FSTL4: variants seen among roughly 807,000 people sequenced by gnomAD.
The protein encoded by FSTL4 is follistatin like 4, also known as follistatin-related protein 4.
Under a neutral mutation model 78.2 loss-of-function variants are expected in FSTL4, and 28 were observed. That is an observed-to-expected ratio of 0.36 (90% CI 0.27 to 0.49). FSTL4 has a LOEUF of 0.49. Among genes scored for constraint, FSTL4 ranks in the 20% least tolerant of loss-of-function variants. FSTL4 has a pLI of 0.98. For missense variants in FSTL4, 922 were observed against 1,084.9 expected, an observed-to-expected ratio of 0.85 and a Z score of 2.11; for synonymous variants, 422 against 440.5, an observed-to-expected ratio of 0.96 and a Z score of 0.53.
chr5:133,201,294 C>G (rs371486323), intron 15 of FSTL4, among the ~76,000 whole-genome samples: 13 of 151,978 alleles, frequency 8.6e-5, no homozygotes, highest in Non-Finnish European at 1.5e-4. Context: ...CATGCTGGGC[C>G]GAGGTCTGCA....
chr5:133,604,569 C>A (rs763871526), intron 1 of FSTL4, among the ~76,000 whole-genome samples: 14 of 152,002 alleles, frequency 9.2e-5, no homozygotes, highest in Admixed American at 2.6e-4. Context: ...ATTAGCTGGG[C>A]GTGGTAGCAG....
chr5:133,354,938 C>T (rs764008358), intron 4 of FSTL4, among the ~76,000 whole-genome samples: 10 of 152,238 alleles, frequency 6.6e-5, no homozygotes, highest in Non-Finnish European at 1.5e-4. Flanking sequence ...TCTGTGCCTG[C>T]TGGCTCCTGT....
At chr5:133,351,949 C>T (rs1319046280) in intron 4 of FSTL4, among the ~76,000 whole-genome samples, 1 of 146,514 alleles carries the variant, frequency 6.8e-6, no homozygotes, top group African/African-American at 2.6e-5. Flanking sequence ...TAAATTTTTC[C>T]TATAAGTCTA....
At chr5:133,558,748 T>C (rs1394873663) in intron 3 of FSTL4, among the ~76,000 whole-genome samples, 1 of 152,118 alleles carries the variant, frequency 6.6e-6, no homozygotes, top group Non-Finnish European at 1.5e-5. Flanking sequence ...TGCGTTAGAA[T>C]GCACAGGATT....
rs534009221 is a variant in FSTL4, at chr5:133,200,950, C to T, written c.1826+983G>A. Reference sequence around the variant, plus strand: ...GGAACTGCAGAACCTCTGAGTGTGCCCGACCCTCAGCTGAATACAGCTGCT... The same window carrying T: ...GGAACTGCAGAACCTCTGAGTGTGCTCGACCCTCAGCTGAATACAGCTGCT... On this transcript the variant is annotated intron_variant, in intron 15 of 15. Coordinates refer to ENST00000265342, the MANE Select transcript of FSTL4 (RefSeq NM_015082.2). Among the ~76,000 whole-genome samples the T allele has an allele frequency of 1.8e-4, 27 of 152,272 alleles. No homozygotes were observed. In the South Asian group the frequency reaches 5.6e-3, roughly 32 times the overall value.
chr5:133,431,239 C>T (rs188995562), intron 3 of FSTL4, among the ~76,000 whole-genome samples: 191 of 152,320 alleles, frequency 1.3e-3, no homozygotes, highest in African/African-American at 4.5e-3. Context: ...TGTGTTACCA[C>T]CTGTGGTAGA....
At chr5:133,365,053 G>A (rs570040867) in intron 4 of FSTL4, among the ~76,000 whole-genome samples, 5 of 152,012 alleles carry the variant, frequency 3.3e-5, no homozygotes, top group South Asian at 2.1e-4. Context: ...CTATTTTAGC[G>A]CACAGAAGGT....
At chr5:133,421,081 T>C (rs370644743) in intron 3 of FSTL4, among the ~76,000 whole-genome samples, 1 of 152,148 alleles carries the variant, frequency 6.6e-6, no homozygotes, top group South Asian at 2.1e-4. Flanking sequence ...CCTGGTCACA[T>C]TGAGGGAGGG....
intron 3 of FSTL4, among the ~76,000 whole-genome samples, chr5:133,424,909 T>C (rs1317391361): frequency 6.6e-6 from 1 of 152,192 alleles, no homozygotes; most frequent in Non-Finnish European, 1.5e-5. Context: ...GCACAGTGGG[T>C]GCAGAAAATG....
At chr5:133,559,467 T>C (rs1364479949) in intron 3 of FSTL4, among the ~76,000 whole-genome samples, 1 of 152,092 alleles carries the variant, frequency 6.6e-6, no homozygotes, top group Non-Finnish European at 1.5e-5. Flanking sequence ...AGCACCATCA[T>C]CTCTCTCCAC....
intron 2 of FSTL4, among the ~76,000 whole-genome samples, chr5:133,579,224 A>G (rs1225000001): frequency 6.6e-6 from 1 of 152,194 alleles, no homozygotes; most frequent in Non-Finnish European, 1.5e-5. Context: ...CGCCTGGCGT[A>G]GCGTAGGCCC....
At chr5:133,808,028 A>C in the FSTL4 span, among the ~76,000 whole-genome samples, 1 of 152,338 alleles carries the variant, frequency 6.6e-6, no homozygotes, top group East Asian at 1.9e-4. Flanking sequence ...CCTTAAAAAA[A>C]GGGGAGTTCA....
chr5:133,760,026 G>A, the FSTL4 span, among the ~76,000 whole-genome samples: 1,060 of 152,270 alleles, frequency 7.0e-3, 10 homozygotes, highest in African/African-American at 0.024. Context: ...ATCCCTACCC[G>A]GCTTCCCTGG....
At chr5:133,553,351 C>T (rs1450499450) in intron 3 of FSTL4, among the ~76,000 whole-genome samples, 1 of 152,194 alleles carries the variant, frequency 6.6e-6, no homozygotes, top group Non-Finnish European at 1.5e-5. Context: ...TCTTCCTAAG[C>T]TTTTCAAGGA....
the FSTL4 span, among the ~76,000 whole-genome samples, chr5:133,659,774 G>A: frequency 1.3e-5 from 2 of 151,404 alleles, no homozygotes; most frequent in Non-Finnish European, 2.9e-5. Context: ...ATTCTTCTAG[G>A]AGTTGTGCTT....
At chr5:133,738,608 T>C in the FSTL4 span, among the ~76,000 whole-genome samples, 1 of 152,132 alleles carries the variant, frequency 6.6e-6, no homozygotes, top group Non-Finnish European at 1.5e-5. Flanking sequence ...GTGGCCTCTC[T>C]AGGTAGTAAC....
intron 3 of FSTL4, among the ~76,000 whole-genome samples, chr5:133,486,100 C>T (rs932414075): frequency 5.9e-5 from 9 of 152,180 alleles, no homozygotes; most frequent in African/African-American, 9.6e-5. Flanking sequence ...GGTAAAAACA[C>T]GGGCTCATGG....
chr5:133,473,394 T>G (rs1580731632), intron 3 of FSTL4, among the ~76,000 whole-genome samples: 1 of 152,082 alleles, frequency 6.6e-6, no homozygotes, highest in African/African-American at 2.4e-5. Flanking sequence ...CTGCATGCAG[T>G]GTGTCCCTCC....
At chr5:133,665,306 T>C in the FSTL4 span, among the ~76,000 whole-genome samples, 1 of 152,234 alleles carries the variant, frequency 6.6e-6, no homozygotes, top group Admixed American at 6.5e-5. Context: ...GGTCAGGCCA[T>C]GTTCCATGGT....
Sources: gnomAD v4.1 joint callset for allele counts (sites outside exome capture counted in the v4.1 genomes callset) on GRCh38, gnomAD v4.1.1 for gene constraint, MANE v1.5 for transcripts, NCBI Gene and HGNC (gene_info 2026-07-23, HGNC 2026-07-21) for gene names.